Variants in CDKAL1 observed in about 807,000 individuals in gnomAD.
CDKAL1 encodes the protein CDKAL1 threonylcarbamoyladenosine tRNA methylthiotransferase.
Under a neutral mutation model 68.2 loss-of-function variants are expected in CDKAL1, and 32 were observed. That is an observed-to-expected ratio of 0.47 (90% confidence interval 0.35 to 0.63). CDKAL1 has a LOEUF of 0.63. Among genes scored for constraint, CDKAL1 ranks in the 30% least tolerant of loss-of-function variants. The probability of loss-of-function intolerance (pLI) is 0.00; values close to 1 mark genes in which losing one functional copy is unlikely to be tolerated. For synonymous variants in CDKAL1, 234 were observed against 244.3 expected, an observed-to-expected ratio of 0.96 and a Z score of 0.39; for missense variants, 606 against 696.7, an observed-to-expected ratio of 0.87 and a Z score of 1.47.
At chr6:20,546,098 T>C (rs1763590373) in intron 2 of CDKAL1, among the ~76,000 whole-genome samples, 1 of 152,238 alleles carries the variant, frequency 6.6e-6, no homozygotes, top group African/African-American at 2.4e-5. Flanking sequence ...GAAGAAATAG[T>C]TCCTGTTGAA....
intron 13 of CDKAL1, among the ~76,000 whole-genome samples, chr6:21,188,052 C>T (rs561530083): frequency 4.6e-5 from 7 of 152,156 alleles, no homozygotes; most frequent in African/African-American, 1.7e-4. Flanking sequence ...TTTTGAATTG[C>T]TTTTTTAGCA....
At chr6:20,987,897 G>C (rs541871030) in intron 10 of CDKAL1, among the ~76,000 whole-genome samples, 1 of 150,546 alleles carries the variant, frequency 6.6e-6, no homozygotes, top group East Asian at 2.0e-4. Context: ...CTTCTACCTC[G>C]GCCTCCCAAG....
chr6:21,011,648 T>C (rs1751741322), intron 11 of CDKAL1, among the ~76,000 whole-genome samples: 1 of 152,182 alleles, frequency 6.6e-6, no homozygotes, highest in African/African-American at 2.4e-5. Context: ...TTGGTAAGAA[T>C]GGTAAAACCC....
At chr6:20,603,927 C>G (rs1372778355) in intron 4 of CDKAL1, among the ~76,000 whole-genome samples, 1 of 151,684 alleles carries the variant, frequency 6.6e-6, no homozygotes, top group Non-Finnish European at 1.5e-5. Flanking sequence ...CAGGCGCTTG[C>G]CACCACGCCC....
rs551392284 is a variant in CDKAL1 at position 21,082,167 on chromosome 6, T to C, written c.1236+16939T>C. On this transcript the variant is annotated intron_variant, in intron 12 of 15. Coordinates refer to ENST00000274695, the MANE Select transcript of CDKAL1 (RefSeq NM_017774.3). ...ACAAAAATGTACTGTACTAGTTATG[T>C]TCCATCTGGGATCTTGTAATCTAAG... Among the ~76,000 whole-genome samples the C allele has an allele frequency of 9.2e-5, 14 of 152,324 alleles. No individual in the cohort carries two copies. The East Asian group carries it at 2.7e-3, about 29-fold the overall frequency.
At chr6:20,810,122 A>G (rs1004369670) in intron 8 of CDKAL1, among the ~76,000 whole-genome samples, 1 of 152,118 alleles carries the variant, frequency 6.6e-6, no homozygotes, top group African/African-American at 2.4e-5. Flanking sequence ...TTAAACCATT[A>G]TAGAACACTT....
intron 9 of CDKAL1, among the ~76,000 whole-genome samples, chr6:20,910,972 C>T (rs1762442777): frequency 6.6e-6 from 1 of 152,158 alleles, no homozygotes; most frequent in Non-Finnish European, 1.5e-5. Flanking sequence ...CTCTTACGGG[C>T]CATAGAATGA....
chr6:20,761,453 A>G (rs931000873), intron 7 of CDKAL1, among the ~76,000 whole-genome samples: 3 of 152,236 alleles, frequency 2.0e-5, no homozygotes, highest in East Asian at 1.9e-4. Context: ...ACTTACGTCT[A>G]TACAAAAACC....
intron 11 of CDKAL1, among the ~76,000 whole-genome samples, chr6:21,060,488 T>A (rs1311063685): frequency 6.6e-6 from 1 of 152,134 alleles, no homozygotes; most frequent in Non-Finnish European, 1.5e-5. Flanking sequence ...AAAGATGTAC[T>A]TTTTACTTTT....
chr6:20,875,738 T>C (rs1357018512), intron 9 of CDKAL1, among the ~76,000 whole-genome samples: 1 of 152,226 alleles, frequency 6.6e-6, no homozygotes, highest in Non-Finnish European at 1.5e-5. Context: ...ATTTATTAGT[T>C]TCACATTACT....
rs116673942 is a variant in CDKAL1 at position 20,825,235 on chromosome 6, A to C, written c.639-20840A>C. Among the ~76,000 whole-genome samples the C allele has an allele frequency of 4.0e-3, 606 of 151,938 alleles. 8 individuals carry two copies. The highest frequency in any genetic ancestry group is 0.013 in the African/African-American group (558 of 41,422). ...ATTTTCTATTTCACTCTGCAGTTTAATGACTTTTATATTCCCCATATATAT... is the reference window on the plus strand; with the variant it reads ...ATTTTCTATTTCACTCTGCAGTTTACTGACTTTTATATTCCCCATATATAT... On this transcript the variant is annotated intron_variant, in intron 8 of 15. Coordinates refer to ENST00000274695, the MANE Select transcript of CDKAL1 (RefSeq NM_017774.3).
chr6:20,705,212 A>G (rs189246968), intron 5 of CDKAL1, among the ~76,000 whole-genome samples: 45 of 152,324 alleles, frequency 3.0e-4, no homozygotes, highest in Middle Eastern at 3.4e-3. Context: ...TTAACGTAGG[A>G]TTTGTGTGAT....
chr6:21,092,538 T>G (rs1773095801), intron 12 of CDKAL1, among the ~76,000 whole-genome samples: 1 of 152,044 alleles, frequency 6.6e-6, no homozygotes, highest in African/African-American at 2.4e-5. Context: ...TGTTCCTGTT[T>G]TAATTTGCTG....
intron 13 of CDKAL1, among the ~76,000 whole-genome samples, chr6:21,169,871 G>A (rs140276963): frequency 2.0e-4 from 31 of 151,842 alleles, no homozygotes; most frequent in African/African-American, 7.0e-4. Flanking sequence ...TTTGTAAAGC[G>A]GTCAGATCTC....
intron 4 of CDKAL1, among the ~76,000 whole-genome samples, chr6:20,555,870 C>T (rs1351321127): frequency 6.8e-6 from 1 of 146,092 alleles, no homozygotes; most frequent in African/African-American, 2.5e-5. Flanking sequence ...GATCCGCCCG[C>T]CTCGGCCTCC....
At chr6:20,929,247 A>G (rs1241299704) in intron 9 of CDKAL1, among the ~76,000 whole-genome samples, 2 of 152,196 alleles carry the variant, frequency 1.3e-5, no homozygotes, top group Non-Finnish European at 2.9e-5. Context: ...TTAAATATCT[A>G]CAACCACTTG....
At chr6:20,711,944 A>G (rs1346182910) in intron 5 of CDKAL1, among the ~76,000 whole-genome samples, 1 of 152,216 alleles carries the variant, frequency 6.6e-6, no homozygotes, top group Non-Finnish European at 1.5e-5. Flanking sequence ...AACTCAGACT[A>G]AAAGTTACTC....
chr6:20,868,437 C>T (rs1471147663), intron 9 of CDKAL1, among the ~76,000 whole-genome samples: 1 of 152,188 alleles, frequency 6.6e-6, no homozygotes, highest in Non-Finnish European at 1.5e-5. Flanking sequence ...CCAGCTGCTC[C>T]CCAATAGCCA....
intron 4 of CDKAL1, among the ~76,000 whole-genome samples, chr6:20,599,157 T>G (rs1239541750): frequency 6.6e-6 from 1 of 152,110 alleles, no homozygotes; most frequent in African/African-American, 2.4e-5. Flanking sequence ...AACATTAGTT[T>G]CTTGCATATC....
Sources: gnomAD v4.1 joint callset for allele counts (sites outside exome capture counted in the v4.1 genomes callset) on GRCh38, gnomAD v4.1.1 for gene constraint, MANE v1.5 for transcripts, NCBI Gene and HGNC (gene_info 2026-07-23, HGNC 2026-07-21) for gene names.